ENTREP2: variants seen among roughly 807,000 people sequenced by gnomAD.
The protein encoded by ENTREP2 is protein ENTREP2.
the ENTREP2 span, among the ~76,000 whole-genome samples, chr15:29,674,786 G>A: frequency 6.6e-6 from 1 of 151,040 alleles, no homozygotes; most frequent in African/African-American, 2.4e-5. Context: ...GGGGCGCGGA[G>A]GAAGGGGCGG....
chr15:29,265,907 A>G, the ENTREP2 span: 78 of 152,370 alleles, frequency 5.1e-4, no homozygotes, highest in African/African-American at 1.8e-3. Flanking sequence ...ACTTAGGGAA[A>G]AAAGGCAGAA....
At chr15:29,217,451 AT>A in the ENTREP2 span, among the ~76,000 whole-genome samples, 2 of 152,012 alleles carry the variant, frequency 1.3e-5, no homozygotes, top group African/African-American at 4.8e-5. Context: ...CTTCGTTCAT[AT>A]TTTTTCTTTT....
At chr15:29,227,631 C>G in the ENTREP2 span, among the ~76,000 whole-genome samples, 2 of 152,118 alleles carry the variant, frequency 1.3e-5, no homozygotes. Flanking sequence ...CTGCTTCCCC[C>G]ACACCCAGCC....
At chr15:29,492,356 G>GATTAATAAGTT in the ENTREP2 span, among the ~76,000 whole-genome samples, 3 of 152,196 alleles carry the variant, frequency 2.0e-5, no homozygotes, top group Non-Finnish European at 4.4e-5. Context: ...GTTCATATAT[G>GATTAATAAGTT]CATAGTGGGA....
At chr15:29,468,796 C>T in the ENTREP2 span, among the ~76,000 whole-genome samples, 1 of 152,094 alleles carries the variant, frequency 6.6e-6, no homozygotes, top group South Asian at 2.1e-4. Flanking sequence ...ACATTTTTAA[C>T]AATTATATGA....
the ENTREP2 span, among the ~76,000 whole-genome samples, chr15:29,222,509 G>A: frequency 6.6e-6 from 1 of 152,256 alleles, no homozygotes; most frequent in Non-Finnish European, 1.5e-5. Context: ...CTTGGGGTCT[G>A]GATTGGGACC....
At chr15:29,625,125 T>A in the ENTREP2 span, among the ~76,000 whole-genome samples, 161 of 152,150 alleles carry the variant, frequency 1.1e-3, no homozygotes, top group Non-Finnish European at 2.0e-3. Flanking sequence ...CAATATTTTT[T>A]AAAAAAACCA....
the ENTREP2 span, among the ~76,000 whole-genome samples, chr15:29,478,239 G>A: frequency 6.6e-6 from 1 of 151,700 alleles, no homozygotes; most frequent in African/African-American, 2.4e-5. Flanking sequence ...ATGTTAGCCA[G>A]AATGGTCTCG....
At chr15:29,144,912 C>T in the ENTREP2 span, among the ~76,000 whole-genome samples, 6 of 151,842 alleles carry the variant, frequency 4.0e-5, no homozygotes, top group South Asian at 2.1e-4. Context: ...AAAAATTAGC[C>T]GGATGTGGTG....
At chr15:29,162,950 T>C in the ENTREP2 span, among the ~76,000 whole-genome samples, 93 of 152,244 alleles carry the variant, frequency 6.1e-4, no homozygotes, top group Middle Eastern at 6.8e-3. Context: ...CTGGTATCCA[T>C]GGCTGAGAGA....
At chr15:29,493,159 A>G in the ENTREP2 span, among the ~76,000 whole-genome samples, 1 of 62,062 alleles carries the variant, frequency 1.6e-5, no homozygotes, top group African/African-American at 6.6e-5. Context: ...TTTGAGACGG[A>G]GTCTCGCTCT....
the ENTREP2 span, among the ~76,000 whole-genome samples, chr15:29,381,386 G>C: frequency 6.8e-6 from 1 of 146,938 alleles, no homozygotes; most frequent in Non-Finnish European, 1.5e-5. Flanking sequence ...AACCTGGGAG[G>C]CAGAGGTTGC....
the ENTREP2 span, among the ~76,000 whole-genome samples, chr15:29,285,507 A>G: frequency 1.3e-5 from 2 of 152,244 alleles, no homozygotes; most frequent in Non-Finnish European, 2.9e-5. Context: ...CACAACCAAG[A>G]AAAACTGATG....
the ENTREP2 span, among the ~76,000 whole-genome samples, chr15:29,344,861 C>T: frequency 7.9e-5 from 12 of 151,692 alleles, no homozygotes; most frequent in African/African-American, 2.9e-4. Flanking sequence ...AAACTGCATG[C>T]ATAGCATTAT....
the ENTREP2 span, among the ~76,000 whole-genome samples, chr15:29,133,010 C>T: frequency 6.6e-6 from 1 of 152,158 alleles, no homozygotes; most frequent in Admixed American, 6.5e-5. Context: ...AACCACACAC[C>T]CCTGCCGCCT....
chr15:29,206,440 T>C, the ENTREP2 span, among the ~76,000 whole-genome samples: 1 of 152,084 alleles, frequency 6.6e-6, no homozygotes, highest in Non-Finnish European at 1.5e-5. Flanking sequence ...CTGGTGATGC[T>C]CAAGGCACTT....
chr15:29,305,442 A>G, the ENTREP2 span, among the ~76,000 whole-genome samples: 1 of 152,194 alleles, frequency 6.6e-6, no homozygotes, highest in Non-Finnish European at 1.5e-5. Context: ...AGAGTATTTC[A>G]GCTGCCTTGG....
At chr15:29,603,544 G>T in the ENTREP2 span, among the ~76,000 whole-genome samples, 2 of 152,160 alleles carry the variant, frequency 1.3e-5, no homozygotes, top group African/African-American at 4.8e-5. Flanking sequence ...GTGCTCTTCG[G>T]GGGCAAGAGA....
the ENTREP2 span, among the ~76,000 whole-genome samples, chr15:29,504,619 G>T: frequency 6.6e-6 from 1 of 152,156 alleles, no homozygotes; most frequent in African/African-American, 2.4e-5. Flanking sequence ...ATTCTGCCTC[G>T]TGCTTTTATA....
Sources: allele counts gnomAD v4.1 joint callset (sites outside exome capture counted in the v4.1 genomes callset), GRCh38; gene constraint gnomAD v4.1.1; transcripts MANE v1.5; gene names NCBI Gene and HGNC (gene_info 2026-07-23, HGNC 2026-07-21).